The following ASTN2 variants were observed in gnomAD, a reference collection of about 807,000 sequenced individuals.
The protein encoded by ASTN2 is astrotactin-2.
A neutral mutation model predicts 139.8 loss-of-function variants in ASTN2; 54 were observed. The ratio of observed to expected loss-of-function variants is 0.39; its 90% CI spans 0.31 to 0.48. The LOEUF (loss-of-function observed/expected upper bound fraction) is 0.48. Among genes scored for constraint, ASTN2 ranks in the 20% least tolerant of loss-of-function variants. The probability of loss-of-function intolerance (pLI) is 0.95; values close to 1 mark genes in which losing one functional copy is unlikely to be tolerated. For synonymous variants in ASTN2, 756 were observed against 719.5 expected (o/e 1.05, Z -0.81); for missense variants, 1,565 against 1,725.1 (o/e 0.91, Z 1.64).
chr9:116,914,594 A>G (rs1834395612), intron 10 of ASTN2, among the ~76,000 whole-genome samples: 1 of 148,712 alleles, frequency 6.7e-6, no homozygotes, highest in Non-Finnish European at 1.5e-5. Flanking sequence ...TTTTTTTACA[A>G]TCTCAATCTC....
intron 16 of ASTN2, among the ~76,000 whole-genome samples, chr9:116,675,094 GC>G (rs962647241): frequency 6.6e-6 from 1 of 152,002 alleles, no homozygotes; most frequent in African/African-American, 2.4e-5. Context: ...ATGGTTCAGT[GC>G]CCCCCCACGC....
intron 6 of ASTN2, among the ~76,000 whole-genome samples, chr9:117,027,766 G>A (rs973664421): frequency 1.3e-5 from 2 of 152,108 alleles, no homozygotes; most frequent in Non-Finnish European, 2.9e-5. Flanking sequence ...TTCCATAGTA[G>A]CCTTTTGCTA....
rs569299927 is a variant in ASTN2, at chr9:117,404,633, G to A, written c.442+9864C>T. 3.7e-4 allele frequency among the ~76,000 whole-genome samples: 56 copies of A among 152,274 alleles called. 1 individual carries two copies. The highest frequency in any genetic ancestry group is 7.2e-4 in the Non-Finnish European group (49 of 68,028). Reference sequence around the variant, plus strand: ...CTGCACAATGATGCTAAGGAGTACTGAGTGGAAAAATTTGACAAGGTTGAG... The same window carrying A: ...CTGCACAATGATGCTAAGGAGTACTAAGTGGAAAAATTTGACAAGGTTGAG... On this transcript the variant is annotated intron_variant, in intron 1 of 22. Transcript: ENST00000313400.
chr9:117,006,159 C>T (rs1430829493), intron 7 of ASTN2, among the ~76,000 whole-genome samples: 1 of 152,118 alleles, frequency 6.6e-6, no homozygotes, highest in Admixed American at 6.6e-5. Context: ...CACCCAGCCC[C>T]ACTTTATTTC....
At chr9:116,713,067 G>A (rs569221304) in intron 16 of ASTN2, among the ~76,000 whole-genome samples, 29 of 152,198 alleles carry the variant, frequency 1.9e-4, no homozygotes, top group African/African-American at 6.0e-4. Context: ...TTGGATGGGG[G>A]AAGAAAGAGA....
At chr9:116,673,119 C>T (rs1859297466) in intron 16 of ASTN2, among the ~76,000 whole-genome samples, 1 of 152,172 alleles carries the variant, frequency 6.6e-6, no homozygotes, top group Admixed American at 6.5e-5. Context: ...AGCATACACC[C>T]AAGTAACCAA....
intron 10 of ASTN2, among the ~76,000 whole-genome samples, chr9:116,945,126 T>C (rs1835354446): frequency 6.6e-6 from 1 of 152,196 alleles, no homozygotes; most frequent in South Asian, 2.1e-4. Flanking sequence ...TAGCCAGATG[T>C]GGCAAAGTTC....
At chr9:116,615,905 C>T (rs188635202) in intron 19 of ASTN2, among the ~76,000 whole-genome samples, 16 of 151,998 alleles carry the variant, frequency 1.1e-4, no homozygotes, top group African/African-American at 3.1e-4. Context: ...ATACCTTCTT[C>T]GATGTAATCA....
intron 19 of ASTN2, among the ~76,000 whole-genome samples, chr9:116,578,432 AC>A (rs1463665010): frequency 6.6e-6 from 1 of 152,070 alleles, no homozygotes; most frequent in African/African-American, 2.4e-5. Context: ...CACGGGCTAC[AC>A]CTCCTGACAA....
At chr9:116,748,549 C>T (rs1459714689) in intron 13 of ASTN2, among the ~76,000 whole-genome samples, 1 of 152,172 alleles carries the variant, frequency 6.6e-6, no homozygotes, top group East Asian at 1.9e-4. Flanking sequence ...CTTAGGAATC[C>T]TCTATCTCAC....
At chr9:117,026,427 A>G (rs992776692) in intron 6 of ASTN2, among the ~76,000 whole-genome samples, 2 of 152,136 alleles carry the variant, frequency 1.3e-5, no homozygotes, top group African/African-American at 2.4e-5. Context: ...AGGCTTCCTC[A>G]ACTCAATTGG....
At chr9:117,104,817 A>G (rs1055681729) in intron 4 of ASTN2, among the ~76,000 whole-genome samples, 1 of 152,168 alleles carries the variant, frequency 6.6e-6, no homozygotes, top group Non-Finnish European at 1.5e-5. Flanking sequence ...TATTTTTTTA[A>G]TAAGTACTCT....
At chr9:117,115,371 G>A (rs1829357791) in intron 4 of ASTN2, among the ~76,000 whole-genome samples, 1 of 151,988 alleles carries the variant, frequency 6.6e-6, no homozygotes, top group Non-Finnish European at 1.5e-5. Flanking sequence ...ACAAAAGTTA[G>A]CCAAGCATGG....
chr9:116,816,954 T>C (rs916045250), intron 12 of ASTN2, among the ~76,000 whole-genome samples: 3 of 140,862 alleles, frequency 2.1e-5, no homozygotes, highest in African/African-American at 8.0e-5. Flanking sequence ...ATATAGGCCC[T>C]AACCCCATGC....
At chr9:116,883,310 C>T (rs1018102000) in intron 10 of ASTN2, among the ~76,000 whole-genome samples, 5 of 152,164 alleles carry the variant, frequency 3.3e-5, no homozygotes, top group Non-Finnish European at 5.9e-5. Context: ...CATGAATGCA[C>T]ATGCCCATAT....
intron 22 of ASTN2, among the ~76,000 whole-genome samples, chr9:116,433,157 C>G (rs1847549007): frequency 6.6e-6 from 1 of 152,052 alleles, no homozygotes; most frequent in South Asian, 2.1e-4. Flanking sequence ...TTTATAATAA[C>G]AAAGAAACTG....
At chr9:116,651,419 T>C in intron 17 of ASTN2, 109 bp downstream of exon 17, 2 of 1,233,782 alleles carry the variant, frequency 1.6e-6, no homozygotes, top group Non-Finnish European at 2.3e-6. Flanking sequence ...ACCATGATGA[T>C]GATATGATGA....
At chr9:117,222,374 A>G (rs1188588221) in intron 2 of ASTN2, among the ~76,000 whole-genome samples, 1 of 152,104 alleles carries the variant, frequency 6.6e-6, no homozygotes, top group Non-Finnish European at 1.5e-5. Flanking sequence ...GTATCCAACC[A>G]CAGTGAAACT....
chr9:116,832,391 C>T (rs1264844954), intron 11 of ASTN2, among the ~76,000 whole-genome samples: 4 of 151,886 alleles, frequency 2.6e-5, no homozygotes, highest in African/African-American at 4.8e-5. Context: ...ACTTCCCACA[C>T]GATGTTGAAT....
Sources: gnomAD v4.1 joint callset for allele counts (sites outside exome capture counted in the v4.1 genomes callset) on GRCh38, gnomAD v4.1.1 for gene constraint, MANE v1.5 for transcripts, NCBI Gene and HGNC (gene_info 2026-07-23, HGNC 2026-07-21) for gene names.